Variants in UMAD1 observed in about 807,000 individuals in gnomAD.
The protein encoded by UMAD1 is UBAP1-MVB12-associated (UMA)-domain containing protein 1.
A neutral mutation model predicts 6.1 loss-of-function variants in UMAD1; 8 were observed. The observed-to-expected ratio is 1.30, with a 90% CI of 0.76 to 2.35. The LOEUF (loss-of-function observed/expected upper bound fraction) is 2.35. Among genes scored for constraint, UMAD1 ranks in the 30% most tolerant of loss-of-function variants. The pLI, the probability that UMAD1 is intolerant of heterozygous loss-of-function variation, is 0.00. For synonymous variants in UMAD1, 56 were observed against 31.4 expected, an observed-to-expected ratio of 1.78 and a Z score of -2.61; for missense variants, 130 against 78.4, an observed-to-expected ratio of 1.66 and a Z score of -2.49.
chr7:7,662,687 G>A (rs1226616930), intron 1 of UMAD1, among the ~76,000 whole-genome samples: 1 of 152,162 alleles, frequency 6.6e-6, no homozygotes, highest in African/African-American at 2.4e-5. Context: ...GGGTACCTCA[G>A]TTGGAAATTC....
intron 2 of UMAD1, among the ~76,000 whole-genome samples, chr7:7,789,718 T>C (rs1782532616): frequency 6.6e-6 from 1 of 152,188 alleles, no homozygotes; most frequent in Non-Finnish European, 1.5e-5. Flanking sequence ...ACAGTATTTG[T>C]CTTGTGACTG....
intron 3 of UMAD1, among the ~76,000 whole-genome samples, chr7:7,804,504 C>T (rs1289538099): frequency 6.6e-6 from 1 of 152,182 alleles, no homozygotes; most frequent in Non-Finnish European, 1.5e-5. Context: ...GAAACCCCAT[C>T]TCTACTAAAA....
intron 2 of UMAD1, among the ~76,000 whole-genome samples, chr7:7,688,811 C>A (rs1019818661): frequency 6.6e-6 from 1 of 152,144 alleles, no homozygotes; most frequent in South Asian, 2.1e-4. Flanking sequence ...AAAAGCTGAT[C>A]CTCAGTCTGT....
chr7:7,649,974 C>T (rs1247723159), intron 1 of UMAD1, among the ~76,000 whole-genome samples: 1 of 152,214 alleles, frequency 6.6e-6, no homozygotes, highest in Non-Finnish European at 1.5e-5. Context: ...TTTGATCTTA[C>T]ACTTTCCAGC....
intron 2 of UMAD1, among the ~76,000 whole-genome samples, chr7:7,718,892 G>T (rs1407211113): frequency 6.9e-6 from 1 of 145,200 alleles, no homozygotes; most frequent in African/African-American, 2.9e-5. Flanking sequence ...TGGGGGAAAT[G>T]TATGTGTGTT....
At chr7:7,698,106 T>A (rs890490725) in intron 2 of UMAD1, among the ~76,000 whole-genome samples, 3 of 152,194 alleles carry the variant, frequency 2.0e-5, no homozygotes, top group African/African-American at 4.8e-5. Flanking sequence ...ACTTACTAAA[T>A]GCCCATGAGT....
rs1406593690 is a variant in UMAD1, at chr7:7,847,098, AAAAAAAATATATATATATATAT to A, written c.157-30181_157-30160del. Among the ~76,000 whole-genome samples the A allele has an allele frequency of 3.6e-4, 17 of 46,918 alleles. 1 individual carries two copies. Among genetic ancestry groups the A allele is most frequent in the African/African-American group, 1.6e-3 (10 of 6,302 alleles). 30.8% of individuals were successfully genotyped at this position (46,918 alleles called of 152,430 possible). A position where few individuals can be genotyped will look rare whatever the true frequency, so the allele number is the denominator to read the frequency against. Reference sequence around the variant, plus strand: ...AAAAGACAGCAATGCAAAAAAAAAAAAAAAAAATATATATATATATATATATATATATATATATATATATATA... The same window carrying A: ...AAAAGACAGCAATGCAAAAAAAAAAAATATATATATATATATATATATATA... On this transcript the variant is annotated intron_variant, in intron 3 of 3. Coordinates refer to ENST00000682710, the MANE Select transcript of UMAD1 (RefSeq NM_001302348.2).
chr7:7,825,300 C>G (rs1436611918), intron 3 of UMAD1, among the ~76,000 whole-genome samples: 1 of 152,192 alleles, frequency 6.6e-6, no homozygotes, highest in Admixed American at 6.6e-5. Flanking sequence ...TGTAACTCTT[C>G]TCAGATAGCA....
intron 3 of UMAD1, among the ~76,000 whole-genome samples, chr7:7,853,347 A>G (rs183062579): frequency 7.2e-5 from 11 of 152,286 alleles, no homozygotes; most frequent in East Asian, 1.9e-4. Flanking sequence ...CTTTTTTACA[A>G]TGAAATCAGT....
At chr7:7,839,996 C>T (rs1189514321) in intron 3 of UMAD1, among the ~76,000 whole-genome samples, 1 of 152,156 alleles carries the variant, frequency 6.6e-6, no homozygotes, top group Non-Finnish European at 1.5e-5. Context: ...TCGGAACAAA[C>T]AGGCAATGGA....
chr7:7,691,108 A>G (rs1000795421), intron 2 of UMAD1, among the ~76,000 whole-genome samples: 3 of 152,182 alleles, frequency 2.0e-5, no homozygotes, highest in African/African-American at 7.2e-5. Context: ...TATGCTGCCA[A>G]CATTGAATAA....
chr7:7,642,623 G>T (rs1444000678), intron 1 of UMAD1, among the ~76,000 whole-genome samples: 1 of 152,104 alleles, frequency 6.6e-6, no homozygotes, highest in Non-Finnish European at 1.5e-5. Context: ...GTGTATTTTT[G>T]AGTCACTTAA....
At chr7:7,877,233 A>G (rs78147724) in intron 3 of UMAD1, 48 bp from the exon 4 acceptor site, 1 of 688,514 alleles carries the variant, frequency 1.5e-6, no homozygotes. Flanking sequence ...CCGTTATTCA[A>G]CCTCAAAGTT....
chr7:7,713,398 GTT>G, intron 2 of UMAD1, among the ~76,000 whole-genome samples: 1 of 141,042 alleles, frequency 7.1e-6, no homozygotes, highest in Non-Finnish European at 1.6e-5. Context: ...TATAGACAGA[GTT>G]TTTTTTTTTT....
At chr7:7,827,135 A>ATGTGTGTGTGTGTGTGTG (rs1178394302) in intron 3 of UMAD1, among the ~76,000 whole-genome samples, 7 of 114,582 alleles carry the variant, frequency 6.1e-5, no homozygotes, top group African/African-American at 2.0e-4. Context: ...ATATATATAT[A>ATGTGTGTGTGTGTGTGTG]TATATATATA....
intron 3 of UMAD1, among the ~76,000 whole-genome samples, chr7:7,823,749 A>T (rs1268129298): frequency 6.6e-6 from 1 of 152,224 alleles, no homozygotes. Flanking sequence ...GATGATTTAA[A>T]GACAGATTTC....
rs967638266 is a variant in UMAD1 at position 7,857,741 on chromosome 7, G to A, written c.157-19540G>A. 3.3e-5 allele frequency among the ~76,000 whole-genome samples: 5 copies of A among 152,154 alleles called. No individual in the cohort carries two copies. In the South Asian group the frequency reaches 8.3e-4, roughly 25 times the overall value. On this transcript the variant is annotated intron_variant, in intron 3 of 3. Transcript: ENST00000682710. The stretch of plus-strand genomic sequence containing the variant: ...AAGATCCACATAGAATTAGCATATC[G>A]AGCTGGATATAAAAATGACACATAA...
At chr7:7,772,633 T>C (rs1309209914) in intron 2 of UMAD1, among the ~76,000 whole-genome samples, 2 of 152,240 alleles carry the variant, frequency 1.3e-5, no homozygotes, top group Non-Finnish European at 2.9e-5. Flanking sequence ...TTTGTTTTTA[T>C]TGTGGAACCG....
At chr7:7,807,397 T>C (rs531755862) in intron 3 of UMAD1, among the ~76,000 whole-genome samples, 1 of 152,218 alleles carries the variant, frequency 6.6e-6, no homozygotes, top group African/African-American at 2.4e-5. Flanking sequence ...TTTACACACG[T>C]GAATCTCAAT....
Sources: gnomAD v4.1 joint callset for allele counts (sites outside exome capture counted in the v4.1 genomes callset) on GRCh38, gnomAD v4.1.1 for gene constraint, MANE v1.5 for transcripts, NCBI Gene and HGNC (gene_info 2026-07-23, HGNC 2026-07-21) for gene names.